Variants in IL1RAPL2 observed in about 807,000 individuals in gnomAD.
IL1RAPL2 encodes X-linked interleukin-1 receptor accessory protein-like 2.
A neutral mutation model predicts 44.1 loss-of-function variants in IL1RAPL2; 3 were observed. The observed-to-expected ratio is 0.07, with a 90% CI of 0.03 to 0.18. The LOEUF (loss-of-function observed/expected upper bound fraction) is 0.18, where lower values mean the gene tolerates loss of function less well. Ranked by LOEUF, IL1RAPL2 falls within the 10% of genes least tolerant of loss-of-function variation. The probability of loss-of-function intolerance (pLI) is 1.00; values close to 1 mark genes in which losing one functional copy is unlikely to be tolerated. For synonymous variants in IL1RAPL2, 181 were observed against 178.8 expected (o/e 1.01, Z -0.10); for missense variants, 391 against 496.4 (o/e 0.79, Z 2.02).
chrX:104,678,942 T>G (rs1930841248), intron 2 of IL1RAPL2, among the ~76,000 whole-genome samples: 1 of 111,415 alleles, frequency 9.0e-6, no homozygotes, highest in African/African-American at 3.3e-5. Flanking sequence ...CTGCATGTTC[T>G]GCACATGTAT....
chrX:105,710,367 T>TC (rs2038199218), intron 6 of IL1RAPL2, among the ~76,000 whole-genome samples: 2 of 103,635 alleles, frequency 1.9e-5, no homozygotes, highest in Non-Finnish European at 2.0e-5. Flanking sequence ...TACTTTTTTT[T>TC]TTTTTTTTTT....
chrX:104,816,853 C>T (rs981882136), intron 2 of IL1RAPL2, among the ~76,000 whole-genome samples: 3 of 112,361 alleles, frequency 2.7e-5, no homozygotes, highest in Non-Finnish European at 5.6e-5. Flanking sequence ...GGGTTAATTG[C>T]ATCACAGGGA....
intron 1 of IL1RAPL2, among the ~76,000 whole-genome samples, chrX:104,655,657 G>A (rs777426156): frequency 9.0e-6 from 1 of 111,488 alleles, no homozygotes; most frequent in Admixed American, 9.5e-5. Flanking sequence ...TCTCTGCCAG[G>A]CTTTGGTATC....
At chrX:105,359,435 G>A (rs1001664313) in intron 5 of IL1RAPL2, among the ~76,000 whole-genome samples, 12 of 111,262 alleles carry the variant, frequency 1.1e-4, no homozygotes, top group African/African-American at 3.9e-4. Context: ...TCATAATGTG[G>A]TACCTCATTT....
chrX:105,568,222 C>A (rs2036988814), intron 6 of IL1RAPL2, among the ~76,000 whole-genome samples: 1 of 110,929 alleles, frequency 9.0e-6, no homozygotes, highest in Admixed American at 9.6e-5. Context: ...CAGTCTTGCT[C>A]AAAAAGATCT....
intron 2 of IL1RAPL2, among the ~76,000 whole-genome samples, chrX:104,839,727 T>C (rs1921850844): frequency 8.9e-6 from 1 of 111,792 alleles, no homozygotes; most frequent in South Asian, 3.7e-4. Context: ...TGGGCTTTTT[T>C]TGTTTCGTAG....
chrX:105,680,079 C>T (rs780811929), intron 6 of IL1RAPL2, among the ~76,000 whole-genome samples: 25 of 111,316 alleles, frequency 2.2e-4, no homozygotes, highest in Non-Finnish European at 3.8e-4. Flanking sequence ...CGGCTCACTG[C>T]AACCTCCGCC....
At chrX:105,217,333 G>T (rs1369132392) in intron 3 of IL1RAPL2, among the ~76,000 whole-genome samples, 1 of 111,763 alleles carries the variant, frequency 8.9e-6, no homozygotes, top group African/African-American at 3.3e-5. Context: ...CATTTATGCA[G>T]CCAACACATG....
intron 5 of IL1RAPL2, among the ~76,000 whole-genome samples, chrX:105,481,914 A>T (rs144931153): frequency 8.9e-6 from 1 of 112,013 alleles, no homozygotes; most frequent in Non-Finnish European, 1.9e-5. Flanking sequence ...TTACTCAGCC[A>T]TCCACTCCCT....
chrX:104,689,488 C>T (rs1216486714), intron 2 of IL1RAPL2, among the ~76,000 whole-genome samples: 1 of 110,986 alleles, frequency 9.0e-6, no homozygotes, highest in Non-Finnish European at 1.9e-5. Flanking sequence ...AAGAGCTGCC[C>T]CTAGGTCAGT....
At chrX:105,403,969 C>T (rs1296697811) in intron 5 of IL1RAPL2, among the ~76,000 whole-genome samples, 1 of 111,973 alleles carries the variant, frequency 8.9e-6, no homozygotes, top group Non-Finnish European at 1.9e-5. Context: ...GATGTTTGCA[C>T]AGTGTTTTAG....
At chrX:105,662,838 C>T (rs1231805566) in intron 6 of IL1RAPL2, among the ~76,000 whole-genome samples, 1 of 111,955 alleles carries the variant, frequency 8.9e-6, no homozygotes, top group Admixed American at 9.5e-5. Context: ...CTAGTCAAGA[C>T]TTCAACCTCC....
At position 104,913,966 on chromosome X, in the gene IL1RAPL2, A is replaced by G. The variant is rs749113089; in HGVS notation, c.82+254971A>G. Among the ~76,000 whole-genome samples, 5 of 112,023 alleles carry G rather than the reference A, an allele frequency of 4.5e-5. No individual in the cohort carries two copies. The South Asian group carries it at 1.5e-3, about 33-fold the overall frequency. On this transcript the variant is annotated intron_variant, in intron 2 of 10. Coordinates refer to ENST00000372582, the MANE Select transcript of IL1RAPL2 (RefSeq NM_017416.2). ...TTTCTGCATTTATTTATTTCTGAAC[A>G]TTTCCTTAAGCAGTGTGTGCAGGTA...
At chrX:104,673,346 A>G (rs1930661462) in intron 2 of IL1RAPL2, among the ~76,000 whole-genome samples, 1 of 111,298 alleles carries the variant, frequency 9.0e-6, no homozygotes, top group Admixed American at 9.5e-5. Flanking sequence ...ACCATTTATT[A>G]AATAGGGAAT....
intron 6 of IL1RAPL2, among the ~76,000 whole-genome samples, chrX:105,638,527 G>A (rs1018091706): frequency 9.0e-6 from 1 of 111,182 alleles, no homozygotes; most frequent in Non-Finnish European, 1.9e-5. Context: ...CTTGTACCAG[G>A]GACGGACTCC....
At chrX:105,448,185 G>A (rs978227464) in intron 5 of IL1RAPL2, among the ~76,000 whole-genome samples, 2 of 107,113 alleles carry the variant, frequency 1.9e-5, no homozygotes, top group Non-Finnish European at 3.8e-5. Context: ...CTTTACTTTT[G>A]GGAGTTTAAT....
chrX:105,654,619 C>G (rs1321359956), intron 6 of IL1RAPL2, among the ~76,000 whole-genome samples: 1 of 111,703 alleles, frequency 9.0e-6, no homozygotes, highest in African/African-American at 3.3e-5. Flanking sequence ...CCTCAGCCTT[C>G]CTTTCTAGTC....
At chrX:105,373,768 C>T (rs182518331) in intron 5 of IL1RAPL2, among the ~76,000 whole-genome samples, 2 of 110,759 alleles carry the variant, frequency 1.8e-5, no homozygotes, top group East Asian at 2.8e-4. Context: ...CATTTGTCAA[C>T]AATAAATGAG....
chrX:105,007,627 T>G (rs2030965629), intron 2 of IL1RAPL2, among the ~76,000 whole-genome samples: 1 of 111,719 alleles, frequency 9.0e-6, no homozygotes, highest in Non-Finnish European at 1.9e-5. Flanking sequence ...AATCCACCAG[T>G]GTCAAAGGTA....
Sources: allele counts gnomAD v4.1 joint callset (sites outside exome capture counted in the v4.1 genomes callset), GRCh38; gene constraint gnomAD v4.1.1; transcripts MANE v1.5; gene names NCBI Gene and HGNC (gene_info 2026-07-23, HGNC 2026-07-21).